Variants in ARSG observed in about 807,000 individuals in gnomAD.
ARSG encodes the protein ASG.
ARSG carries 37 observed loss-of-function variants against 50.5 expected under a neutral mutation model. That is an observed-to-expected ratio of 0.73 (90% CI 0.56 to 0.96). ARSG has a LOEUF of 0.96. Among genes scored for constraint, ARSG ranks in the 50% least tolerant of loss-of-function variants. ARSG has a pLI of 0.00. For synonymous variants in ARSG, 225 were observed against 254.6 expected (o/e 0.88, Z 1.11); for missense variants, 629 against 675.3 (o/e 0.93, Z 0.76).
chr17:68,374,702 A>G (rs956141961), intron 8 of ARSG, among the ~76,000 whole-genome samples: 1 of 151,846 alleles, frequency 6.6e-6, no homozygotes, highest in African/African-American at 2.4e-5. Context: ...AAATACAAAA[A>G]TTAACCAGGT....
At chr17:68,433,324 A>C in the ARSG span, 1 of 775,572 alleles carries the variant, frequency 1.3e-6, no homozygotes, top group South Asian at 1.9e-5. Context: ...AGTTTTGCTA[A>C]CACACACTCC....
chr17:68,434,509 G>A, the ARSG span: 11 of 1,604,808 alleles, frequency 6.9e-6, no homozygotes, highest in Admixed American at 3.4e-5. Context: ...CGGTCCCTGC[G>A]GGACTTCTGC....
downstream of ARSG, among the ~76,000 whole-genome samples, chr17:68,425,371 T>C (rs1302666441): frequency 7.5e-6 from 1 of 134,114 alleles, no homozygotes; most frequent in Non-Finnish European, 1.5e-5. Flanking sequence ...ACCCGGCTAA[T>C]TTTTTCTTTT....
chr17:68,363,082 G>A (rs912843822), intron 6 of ARSG, among the ~76,000 whole-genome samples: 2 of 152,172 alleles, frequency 1.3e-5, no homozygotes, highest in Admixed American at 6.6e-5. Context: ...TAAAAACATG[G>A]CTTTAATGCA....
chr17:68,345,524 A>G (rs2078463306), intron 3 of ARSG, among the ~76,000 whole-genome samples: 1 of 152,080 alleles, frequency 6.6e-6, no homozygotes. Context: ...ACCACTCACG[A>G]CACCTTTTGC....
intron 1 of ARSG, among the ~76,000 whole-genome samples, chr17:68,261,784 A>G (rs538115093): frequency 6.6e-6 from 1 of 152,316 alleles, no homozygotes; most frequent in East Asian, 1.9e-4. Flanking sequence ...TACACATCTC[A>G]GGGAAGGGAG....
chr17:68,425,322 G>A (rs372217652), downstream of ARSG, among the ~76,000 whole-genome samples: 40 of 152,056 alleles, frequency 2.6e-4, no homozygotes, highest in African/African-American at 9.4e-4. Context: ...TCCCATCTCA[G>A]CGTCCCGAAT....
chr17:68,416,516 T>C (rs538975351), intron 11 of ARSG, among the ~76,000 whole-genome samples: 13 of 152,318 alleles, frequency 8.5e-5, no homozygotes, highest in African/African-American at 2.9e-4. Context: ...TCTAGGTTTC[T>C]AGCAAGGCCA....
chr17:68,389,425 AGGCTT>A (rs2080887604), intron 9 of ARSG, among the ~76,000 whole-genome samples: 1 of 151,978 alleles, frequency 6.6e-6, no homozygotes, highest in Admixed American at 6.6e-5. Context: ...ATGTGAGCAT[AGGCTT>A]GCCCCTCATG....
chr17:68,333,583 G>A (rs1191521168), intron 2 of ARSG, among the ~76,000 whole-genome samples: 2 of 151,416 alleles, frequency 1.3e-5, no homozygotes, highest in Non-Finnish European at 2.9e-5. Flanking sequence ...AGCCGAGATC[G>A]TGCCATTGCA....
At chr17:68,413,266 T>G in intron 11 of ARSG, among the ~76,000 whole-genome samples, 1 of 152,004 alleles carries the variant, frequency 6.6e-6, no homozygotes, top group East Asian at 1.9e-4. Flanking sequence ...CTACGTTTGG[T>G]CTTTGATGAT....
chr17:68,341,689 C>A (rs972207069), intron 2 of ARSG, among the ~76,000 whole-genome samples: 2 of 152,268 alleles, frequency 1.3e-5, no homozygotes, highest in South Asian at 4.1e-4. Context: ...CATTTGCTCA[C>A]GTCTTGTCAC....
At chr17:68,339,859 G>A (rs374268497) in intron 2 of ARSG, among the ~76,000 whole-genome samples, 1 of 152,170 alleles carries the variant, frequency 6.6e-6, no homozygotes, top group Non-Finnish European at 1.5e-5. Context: ...GGTGGGGATC[G>A]CCAGCTCTGT....
the ARSG span, among the ~76,000 whole-genome samples, chr17:68,429,659 G>T: frequency 6.6e-6 from 1 of 152,036 alleles, no homozygotes; most frequent in African/African-American, 2.4e-5. Context: ...CATGATCTCG[G>T]CTCACTGCAA....
At chr17:68,324,369 C>T (rs1198834622) in intron 2 of ARSG, among the ~76,000 whole-genome samples, 2 of 152,142 alleles carry the variant, frequency 1.3e-5, no homozygotes, top group African/African-American at 2.4e-5. Flanking sequence ...GCTCTCGGGG[C>T]TGGCACCACC....
chr17:68,446,716 C>T, the ARSG span, among the ~76,000 whole-genome samples: 1 of 152,182 alleles, frequency 6.6e-6, no homozygotes, highest in Non-Finnish European at 1.5e-5. Context: ...CCCTCCCAGC[C>T]CCACACCCAA....
intron 2 of ARSG, among the ~76,000 whole-genome samples, chr17:68,324,121 A>G (rs2145897552): frequency 6.6e-6 from 1 of 151,740 alleles, no homozygotes; most frequent in East Asian, 1.9e-4. Flanking sequence ...AAGGCCCTCA[A>G]GCTTCACAAA....
chr17:68,264,919 C>T (rs1440127921), intron 1 of ARSG, among the ~76,000 whole-genome samples: 2 of 151,126 alleles, frequency 1.3e-5, no homozygotes, highest in South Asian at 2.1e-4. Context: ...TTTGGGAGGC[C>T]GAGGTGGGTG....
rs1599472475 is a variant in ARSG, at chr17:68,265,579, A to C, written c.-552+6153A>C. On this transcript the variant is annotated intron_variant, in intron 1 of 11. Transcript: ENST00000448504. ...ATGATCTAAGAATTACTTTGACCACAATGAATCCTTTCCCATGGGTCAGGA... is the reference window on the plus strand; with the variant it reads ...ATGATCTAAGAATTACTTTGACCACCATGAATCCTTTCCCATGGGTCAGGA... Among the ~76,000 whole-genome samples, 5 of 152,296 alleles carry C rather than the reference A, an allele frequency of 3.3e-5. 1 individual carries two copies. The highest frequency in any genetic ancestry group is 1.2e-4 in the African/African-American group (5 of 41,560).
Sources: gnomAD v4.1 joint callset for allele counts (sites outside exome capture counted in the v4.1 genomes callset) on GRCh38, gnomAD v4.1.1 for gene constraint, MANE v1.5 for transcripts, NCBI Gene and HGNC (gene_info 2026-07-23, HGNC 2026-07-21) for gene names.